The following SETD4 variants were observed in gnomAD, a reference collection of about 807,000 sequenced individuals.
SETD4 encodes the protein SET domain containing 4.
A neutral mutation model predicts 58.3 loss-of-function variants in SETD4; 46 were observed. The observed-to-expected ratio is 0.79, with a 90% CI of 0.62 to 1.01. The LOEUF (loss-of-function observed/expected upper bound fraction) is 1.01, where lower values mean the gene tolerates loss of function less well. SETD4 is among the 50% of genes least tolerant of loss of function. The pLI, the probability that SETD4 is intolerant of heterozygous loss-of-function variation, is 0.00. For synonymous variants in SETD4, 190 were observed against 202.6 expected (o/e 0.94, Z 0.53); for missense variants, 490 against 523.3 (o/e 0.94, Z 0.62).
At chr21:36,054,321 C>A (rs1378469097) in intron 3 of SETD4, among the ~76,000 whole-genome samples, 1 of 152,236 alleles carries the variant, frequency 6.6e-6, no homozygotes. Context: ...TCCCTTCATG[C>A]CTAAGCTTCT....
At chr21:36,048,713 T>C (rs2064477678) in intron 4 of SETD4, among the ~76,000 whole-genome samples, 1 of 126,724 alleles carries the variant, frequency 7.9e-6, no homozygotes, top group Admixed American at 9.9e-5. Context: ...ATACTGTTTC[T>C]TCACTTTTTT....
At chr21:36,051,590 T>C (rs2064690543) in intron 4 of SETD4, among the ~76,000 whole-genome samples, 2 of 152,122 alleles carry the variant, frequency 1.3e-5, no homozygotes, top group African/African-American at 4.8e-5. Flanking sequence ...GCAGAATAGG[T>C]GGGGTATAGA....
At chr21:36,046,811 T>C (rs1217909680) in intron 5 of SETD4, among the ~76,000 whole-genome samples, 3 of 152,260 alleles carry the variant, frequency 2.0e-5, no homozygotes, top group Non-Finnish European at 4.4e-5. Flanking sequence ...CAGATTCCTA[T>C]ACTGCCATAC....
At chr21:36,049,349 G>A (rs1204726580) in intron 4 of SETD4, among the ~76,000 whole-genome samples, 3 of 152,284 alleles carry the variant, frequency 2.0e-5, no homozygotes, top group Admixed American at 1.3e-4. Context: ...GAGGTCAGGA[G>A]TTCAAGACCA....
chr21:36,038,113 G>A, intron 10 of SETD4, 37 bp downstream of exon 10: 1 of 1,594,988 alleles, frequency 6.3e-7, no homozygotes, highest in Non-Finnish European at 8.5e-7. Context: ...GCTGAATCAA[G>A]ACACTTCTTT....
intron 4 of SETD4, 141 bp downstream of exon 4, chr21:36,053,442 T>C (rs1281917676): frequency 8.5e-6 from 7 of 827,100 alleles, no homozygotes; most frequent in African/African-American, 3.4e-5. Context: ...TCCTAGTTGA[T>C]AGAACCATAT....
At position 36,038,951 on chromosome 21, in the gene SETD4, G is replaced by T. The variant is rs139543051; in HGVS notation, c.1065-678C>A. On this transcript the variant is annotated intron_variant, in intron 9 of 11. Coordinates refer to ENST00000332131, the MANE Select transcript of SETD4 (RefSeq NM_017438.5). ...AAAGAAGAACTACCGGGAGAAAGACGACGGAGGACCGGATTCTGAACACCG... is the reference window on the plus strand; with the variant it reads ...AAAGAAGAACTACCGGGAGAAAGACTACGGAGGACCGGATTCTGAACACCG... Among the ~76,000 whole-genome samples the T allele has an allele frequency of 3.7e-4, 56 of 152,218 alleles. No individual in the cohort carries two copies. In the East Asian group the frequency reaches 8.3e-3, roughly 23 times the overall value.
chr21:36,041,026 C>T (rs561860534), intron 8 of SETD4, among the ~76,000 whole-genome samples: 3 of 151,828 alleles, frequency 2.0e-5, no homozygotes, highest in Non-Finnish European at 2.9e-5. Flanking sequence ...TGGGCGTGGT[C>T]GCAGGCACTT....
rs1263579520 is a variant in SETD4 at position 36,036,113 on chromosome 21, GA to G, written c.*3del. 6.2e-7 allele frequency: 1 copy of G among 1,614,080 alleles called. No individual in the cohort carries two copies. Among genetic ancestry groups the G allele is most frequent in the Non-Finnish European group, 8.5e-7 (1 of 1,180,044 alleles). On this transcript the variant is annotated 3_prime_UTR_variant, in exon 11 of 12. Transcript: ENST00000332131. ...AGGAGGTGACCAAATGCGCTTCGGTGAAATCAGGTAAAAGCTGTTTGCAAAC... is the reference window on the plus strand; with the variant it reads ...AGGAGGTGACCAAATGCGCTTCGGTGAATCAGGTAAAAGCTGTTTGCAAAC...
chr21:36,050,334 G>A, intron 4 of SETD4: 1 of 1,613,238 alleles, frequency 6.2e-7, no homozygotes, highest in Non-Finnish European at 8.5e-7. Context: ...GGAGGAACTG[G>A]ACTTTAGGGC....
intron 3 of SETD4, among the ~76,000 whole-genome samples, chr21:36,056,706 C>T (rs1436697007): frequency 6.6e-6 from 1 of 152,068 alleles, no homozygotes; most frequent in Non-Finnish European, 1.5e-5. Flanking sequence ...CTACAGGGCA[C>T]ACCACCGCGC....
chr21:36,050,571 T>C, intron 4 of SETD4: 1 of 1,613,978 alleles, frequency 6.2e-7, no homozygotes, highest in Non-Finnish European at 8.5e-7. Context: ...GTTCTGGACA[T>C]TTCAAGAGTT....
chr21:36,055,693 T>C (rs2835262), intron 3 of SETD4, among the ~76,000 whole-genome samples: 6,398 of 152,330 alleles, frequency 0.042, 199 homozygotes, highest in Non-Finnish European at 0.061. Flanking sequence ...CTGTAAGCAC[T>C]GGGCACGGGT....
chr21:36,035,743 C>T lies in SETD4; in HGVS notation c.*250G>A, dbSNP rs778479283. The T allele has an allele frequency of 4.8e-5, 13 of 273,244 alleles. No individual in the cohort carries two copies. Among genetic ancestry groups the T allele is most frequent in the Non-Finnish European group, 8.5e-5 (12 of 141,728 alleles). The allele number at this position is 273,244 out of a possible 1,614,324, so 16.9% of individuals were successfully genotyped here. ...CCCGTGGTGACAGACCACACACGGA[C>T]GCAGCTGGCTCCTGGCTGCCTCACA... On this transcript the variant is annotated 3_prime_UTR_variant, in exon 12 of 12. Transcript: ENST00000332131.
intron 9 of SETD4, among the ~76,000 whole-genome samples, chr21:36,039,602 AACCGC>A (rs903687181): frequency 1.6e-4 from 24 of 152,352 alleles, no homozygotes; most frequent in African/African-American, 5.3e-4. Flanking sequence ...GCCAGTGCGA[AACCGC>A]ATGTCCCAAC....
At chr21:36,038,409 C>G in intron 9 of SETD4, 136 bp from the exon 10 acceptor site, 1 of 1,099,500 alleles carries the variant, frequency 9.1e-7, no homozygotes, top group Non-Finnish European at 1.3e-6. Context: ...GCAGATTCCC[C>G]AAACCTCCAT....
chr21:36,038,362 C>T, intron 9 of SETD4, 89 bp from the exon 10 acceptor site: 1 of 1,459,230 alleles, frequency 6.9e-7, no homozygotes, highest in South Asian at 1.3e-5. Flanking sequence ...ACTCCTTCTC[C>T]TATTTCTCCA....
rs1309869834 is a variant in SETD4 at position 36,058,810 on chromosome 21, C to A, written c.73+6G>T. The A allele has an allele frequency of 1.3e-6, 2 of 1,594,078 alleles. No homozygotes were observed. The highest frequency in any genetic ancestry group is 1.7e-4 in the Middle Eastern group (1 of 6,002). ...TTCATTACTGGTACTAAAAGAAAAA[C>A]CATACCTCCTCTTGATTCAGAACTT... On this transcript the variant is annotated splice_donor_region_variant and intron_variant, in intron 2 of 11. Coordinates refer to ENST00000332131, the MANE Select transcript of SETD4 (RefSeq NM_017438.5).
intron 4 of SETD4, among the ~76,000 whole-genome samples, chr21:36,052,594 A>T (rs1187161921): frequency 6.7e-6 from 1 of 150,316 alleles, no homozygotes; most frequent in African/African-American, 2.5e-5. Context: ...TATCTACTGA[A>T]AAAAAAAAGA....
Sources: gnomAD v4.1 joint callset for allele counts (sites outside exome capture counted in the v4.1 genomes callset) on GRCh38, gnomAD v4.1.1 for gene constraint, MANE v1.5 for transcripts, NCBI Gene and HGNC (gene_info 2026-07-23, HGNC 2026-07-21) for gene names.